The following TBC1D5 variants were observed in gnomAD, a reference collection of about 807,000 sequenced individuals.
The protein encoded by TBC1D5 is TBC1 domain family member 5.
Under a neutral mutation model 100.3 loss-of-function variants are expected in TBC1D5, and 75 were observed. That is an observed-to-expected ratio of 0.75 (90% CI 0.62 to 0.91). The LOEUF (loss-of-function observed/expected upper bound fraction) is 0.91, where lower values mean the gene tolerates loss of function less well. Among genes scored for constraint, TBC1D5 ranks in the 40% least tolerant of loss-of-function variants. The probability of loss-of-function intolerance (pLI) is 0.00; values close to 1 mark genes in which losing one functional copy is unlikely to be tolerated. For synonymous variants in TBC1D5, 323 were observed against 325.6 expected (o/e 0.99, Z 0.09); for missense variants, 910 against 942.4 (o/e 0.97, Z 0.45).
chr3:17,275,439 G>A (rs1473568950), intron 15 of TBC1D5, among the ~76,000 whole-genome samples: 4 of 152,226 alleles, frequency 2.6e-5, no homozygotes, highest in African/African-American at 9.6e-5. Flanking sequence ...CTACTCGGGA[G>A]GTTATGGGGA....
intron 3 of TBC1D5, among the ~76,000 whole-genome samples, chr3:17,497,087 GACACACACAC>G (rs71049202): frequency 0.074 from 9,604 of 129,002 alleles, 406 homozygotes; most frequent in African/African-American, 0.11. Flanking sequence ...CTCTCTCTCT[GACACACACAC>G]ACACACACAC....
rs75062519 is a variant in TBC1D5, at chr3:17,383,768, T to C, written c.612+145A>G. 3,775 of 522,624 alleles carry C rather than the reference T, an allele frequency of 7.2e-3. 187 individuals carry two copies. The Admixed American group carries it at 0.089, about 12-fold the overall frequency. 32.4% of individuals were successfully genotyped at this position (522,624 alleles called of 1,614,324 possible). On this transcript the variant is annotated intron_variant, in intron 9 of 21. Transcript: ENST00000253692. ...TTCAATGAGCTTACCTTTCTCACCATGCAGCTGACAAGCAACTCTCTGATT... is the reference window on the plus strand; with the variant it reads ...TTCAATGAGCTTACCTTTCTCACCACGCAGCTGACAAGCAACTCTCTGATT...
At chr3:17,495,858 G>A (rs906318362) in intron 3 of TBC1D5, among the ~76,000 whole-genome samples, 2 of 152,140 alleles carry the variant, frequency 1.3e-5, no homozygotes, top group African/African-American at 4.8e-5. Flanking sequence ...ACTTTATGAT[G>A]TTCAGAAATT....
intron 1 of TBC1D5, among the ~76,000 whole-genome samples, chr3:17,738,689 A>G (rs1338511563): frequency 2.6e-5 from 4 of 152,282 alleles, no homozygotes; most frequent in Non-Finnish European, 5.9e-5. Context: ...TGGTATGTCC[A>G]TGCAGCCCAC....
intron 1 of TBC1D5, among the ~76,000 whole-genome samples, chr3:17,734,554 A>T (rs2153992599): frequency 6.6e-6 from 1 of 152,388 alleles, no homozygotes; most frequent in East Asian, 1.9e-4. Context: ...AACATAAGGT[A>T]GGAAAAGCCT....
chr3:17,292,412 C>CTTGA (rs71049195), intron 14 of TBC1D5, among the ~76,000 whole-genome samples: 64,012 of 151,574 alleles, frequency 0.42, 14,176 homozygotes, highest in Middle Eastern at 0.51. Flanking sequence ...TAATATTTAC[C>CTTGA]TTATTATGCA....
At chr3:17,643,561 T>C (rs1453353531) in intron 1 of TBC1D5, among the ~76,000 whole-genome samples, 3 of 152,282 alleles carry the variant, frequency 2.0e-5, no homozygotes, top group African/African-American at 4.8e-5. Flanking sequence ...TCATTCTTTA[T>C]ACATTTATTA....
chr3:17,264,134 A>T (rs1476473025), intron 15 of TBC1D5, among the ~76,000 whole-genome samples: 2 of 152,104 alleles, frequency 1.3e-5, no homozygotes, highest in Non-Finnish European at 2.9e-5. Context: ...TCAATATTTT[A>T]AGTCCAAACT....
chr3:17,544,920 G>A (rs1233092952), intron 2 of TBC1D5, among the ~76,000 whole-genome samples: 1 of 152,096 alleles, frequency 6.6e-6, no homozygotes, highest in South Asian at 2.1e-4. Context: ...AATTACAAAG[G>A]GACAAATAGC....
chr3:17,311,698 CG>C (rs1300113470), intron 13 of TBC1D5, among the ~76,000 whole-genome samples: 1 of 151,946 alleles, frequency 6.6e-6, no homozygotes, highest in African/African-American at 2.4e-5. Context: ...TCTTCATTTC[CG>C]TATTCTTTTC....
intron 16 of TBC1D5, among the ~76,000 whole-genome samples, chr3:17,251,437 C>CG (rs1491469152): frequency 5.0e-5 from 6 of 119,482 alleles, no homozygotes; most frequent in South Asian, 3.1e-4. Flanking sequence ...CCCCCCCCCC[C>CG]CAGTAGAAGC....
At chr3:17,367,408 C>T (rs1224933572) in intron 13 of TBC1D5, among the ~76,000 whole-genome samples, 1 of 152,016 alleles carries the variant, frequency 6.6e-6, no homozygotes, top group Non-Finnish European at 1.5e-5. Flanking sequence ...CTAAAAAATA[C>T]CACAAAAATG....
intron 15 of TBC1D5, among the ~76,000 whole-genome samples, chr3:17,264,797 C>A (rs1273919141): frequency 6.6e-6 from 1 of 152,126 alleles, no homozygotes; most frequent in East Asian, 1.9e-4. Context: ...CAGCACAATA[C>A]CAGGCACTTG....
At chr3:17,447,358 C>T (rs1199217168) in intron 3 of TBC1D5, among the ~76,000 whole-genome samples, 1 of 151,982 alleles carries the variant, frequency 6.6e-6, no homozygotes, top group Non-Finnish European at 1.5e-5. Context: ...CAAGAAAGAT[C>T]CAGTAGAAAC....
intron 1 of TBC1D5, among the ~76,000 whole-genome samples, chr3:17,728,846 C>T (rs1268592945): frequency 1.3e-5 from 2 of 150,862 alleles, no homozygotes; most frequent in Admixed American, 6.6e-5. Flanking sequence ...TATCCCAAAA[C>T]CAAAAATCGT....
intron 2 of TBC1D5, among the ~76,000 whole-genome samples, chr3:17,568,237 T>C (rs572931681): frequency 6.6e-6 from 1 of 151,632 alleles, no homozygotes; most frequent in East Asian, 1.9e-4. Context: ...AATTTATATT[T>C]AGTAAATGAA....
intron 15 of TBC1D5, among the ~76,000 whole-genome samples, chr3:17,283,237 G>A (rs755842314): frequency 6.6e-6 from 1 of 152,330 alleles, no homozygotes; most frequent in Middle Eastern, 3.4e-3. Context: ...AGATTATGTG[G>A]TCCAGTTTCC....
At chr3:17,278,026 T>C (rs1481615861) in intron 15 of TBC1D5, among the ~76,000 whole-genome samples, 2 of 152,326 alleles carry the variant, frequency 1.3e-5, no homozygotes, top group East Asian at 3.9e-4. Flanking sequence ...AAGTGTACAA[T>C]GAGCCCATGT....
intron 1 of TBC1D5, among the ~76,000 whole-genome samples, chr3:17,690,165 A>T (rs893327173): frequency 6.6e-6 from 1 of 152,088 alleles, no homozygotes; most frequent in Admixed American, 6.5e-5. Flanking sequence ...TAACCATTAT[A>T]ATAAGAATAT....
Sources: allele counts gnomAD v4.1 joint callset (sites outside exome capture counted in the v4.1 genomes callset), GRCh38; gene constraint gnomAD v4.1.1; transcripts MANE v1.5; gene names NCBI Gene and HGNC (gene_info 2026-07-23, HGNC 2026-07-21).